The following ARSG variants were observed in gnomAD, a reference collection of about 807,000 sequenced individuals.
The protein encoded by ARSG is ASG.
In ARSG, 37 loss-of-function variants were observed where a neutral mutation model predicts 50.5. That is an observed-to-expected ratio of 0.73 (90% CI 0.56 to 0.96). ARSG has a LOEUF of 0.96. ARSG is among the 50% of genes least tolerant of loss of function. ARSG has a pLI of 0.00. For missense variants in ARSG, 629 were observed against 675.3 expected (o/e 0.93, Z 0.76); for synonymous variants, 225 against 254.6 (o/e 0.88, Z 1.11).
chr17:68,293,839 C>T (rs1325867418), intron 1 of ARSG, among the ~76,000 whole-genome samples: 1 of 152,168 alleles, frequency 6.6e-6, no homozygotes, highest in Non-Finnish European at 1.5e-5. Flanking sequence ...ACCCAACCTA[C>T]GCACAGCCTT....
At chr17:68,277,022 T>C (rs2075545557) in intron 1 of ARSG, among the ~76,000 whole-genome samples, 1 of 152,210 alleles carries the variant, frequency 6.6e-6, no homozygotes, top group Admixed American at 6.5e-5. Context: ...CTCAGAACAA[T>C]ATTTGTAATT....
the ARSG span, among the ~76,000 whole-genome samples, chr17:68,438,557 C>T: frequency 5.9e-5 from 9 of 152,168 alleles, no homozygotes; most frequent in Non-Finnish European, 1.0e-4. Context: ...GAGTTAAGAC[C>T]TTACAAATGC....
At chr17:68,426,254 G>GGGGGGGGGGGGGGCCCCCCCCC, downstream of ARSG, 2 of 816,920 alleles carry the variant, frequency 2.4e-6, no homozygotes, top group East Asian at 3.5e-5. Context: ...GGGAGCGGGG[G>GGGGGGGGGGGGGGCCCCCCCCC]CTCAAATAAA....
intron 4 of ARSG, among the ~76,000 whole-genome samples, chr17:68,347,893 G>C (rs1237017888): frequency 1.3e-5 from 2 of 152,162 alleles, no homozygotes; most frequent in Non-Finnish European, 2.9e-5. Flanking sequence ...CTATTTTGCA[G>C]ACTTCTCCCC....
chr17:68,366,249 A>C (rs1344478337), intron 6 of ARSG, among the ~76,000 whole-genome samples: 1 of 151,218 alleles, frequency 6.6e-6, no homozygotes, highest in Non-Finnish European at 1.5e-5. Context: ...AAAAAATAAA[A>C]TAAAATAAAA....
At chr17:68,328,134 A>G (rs1164571660) in intron 2 of ARSG, among the ~76,000 whole-genome samples, 11 of 152,110 alleles carry the variant, frequency 7.2e-5, no homozygotes, top group African/African-American at 2.7e-4. Flanking sequence ...CAGCAGCAGC[A>G]TCGAAATGCC....
At chr17:68,437,171 T>C in the ARSG span, among the ~76,000 whole-genome samples, 1 of 152,116 alleles carries the variant, frequency 6.6e-6, no homozygotes, top group Non-Finnish European at 1.5e-5. Context: ...GAAAAGTCAG[T>C]ACATATTGGT....
the ARSG span, among the ~76,000 whole-genome samples, chr17:68,451,095 A>G: frequency 6.6e-6 from 1 of 152,204 alleles, no homozygotes; most frequent in African/African-American, 2.4e-5. Flanking sequence ...ACCCTCTCCC[A>G]GGGAGCACTT....
chr17:68,340,817 G>A (rs944704586), intron 2 of ARSG, among the ~76,000 whole-genome samples: 3 of 152,302 alleles, frequency 2.0e-5, no homozygotes, highest in South Asian at 2.1e-4. Context: ...TGCCACAGGC[G>A]TGTCAATGAT....
At chr17:68,384,401 T>G (rs990729979) in intron 8 of ARSG, among the ~76,000 whole-genome samples, 3 of 152,194 alleles carry the variant, frequency 2.0e-5, no homozygotes, top group African/African-American at 7.2e-5. Context: ...ATAACCAAGG[T>G]GGAAATTCAT....
chr17:68,309,590 T>C (rs1331915097), intron 2 of ARSG, among the ~76,000 whole-genome samples: 1 of 151,982 alleles, frequency 6.6e-6, no homozygotes, highest in Non-Finnish European at 1.5e-5. Context: ...ATAGGCTGGG[T>C]GCAGTGGCTC....
At chr17:68,376,672 C>T (rs989586825) in intron 8 of ARSG, among the ~76,000 whole-genome samples, 4 of 151,826 alleles carry the variant, frequency 2.6e-5, no homozygotes, top group African/African-American at 9.7e-5. Flanking sequence ...TCCCACTCCC[C>T]CTCCAGCATA....
chr17:68,269,413 A>G (rs1368924172), intron 1 of ARSG: 4 of 1,230,108 alleles, frequency 3.3e-6, no homozygotes, highest in Middle Eastern at 2.3e-4. Flanking sequence ...CCAGGCGACC[A>G]TCCCATTCAG....
chr17:68,451,118 C>T, the ARSG span, among the ~76,000 whole-genome samples: 2 of 152,218 alleles, frequency 1.3e-5, no homozygotes, highest in Non-Finnish European at 2.9e-5. Context: ...AGAGTCCTTT[C>T]CAAATATCTA....
chr17:68,412,217 G>A (rs1403861578), intron 11 of ARSG, among the ~76,000 whole-genome samples: 10 of 151,272 alleles, frequency 6.6e-5, no homozygotes, highest in Non-Finnish European at 5.9e-5. Context: ...TCCTAGTCTC[G>A]ATGGCCTTTA....
chr17:68,319,627 T>A (rs1555769874), intron 2 of ARSG, among the ~76,000 whole-genome samples: 1 of 152,184 alleles, frequency 6.6e-6, no homozygotes, highest in East Asian at 1.9e-4. Context: ...TATTAATAGT[T>A]CCTCTTTTAA....
intron 2 of ARSG, among the ~76,000 whole-genome samples, chr17:68,328,949 C>T (rs1419278630): frequency 6.6e-6 from 1 of 152,192 alleles, no homozygotes; most frequent in Non-Finnish European, 1.5e-5. Flanking sequence ...AGTGATGAGA[C>T]TAGGCAGACA....
At chr17:68,286,666 G>A (rs782058399), upstream of ARSG, among the ~76,000 whole-genome samples, 2 of 151,970 alleles carry the variant, frequency 1.3e-5, no homozygotes, top group Non-Finnish European at 2.9e-5. Context: ...CATCATGCCC[G>A]GTTGATTTTT....
At chr17:68,346,378 TCC>T (rs1417362316) in intron 3 of ARSG, among the ~76,000 whole-genome samples, 8 of 152,162 alleles carry the variant, frequency 5.3e-5, no homozygotes. Flanking sequence ...TTAGACATAC[TCC>T]TGTGGTTGCC....
Sources: gnomAD v4.1 joint callset for allele counts (sites outside exome capture counted in the v4.1 genomes callset) on GRCh38, gnomAD v4.1.1 for gene constraint, MANE v1.5 for transcripts, NCBI Gene and HGNC (gene_info 2026-07-23, HGNC 2026-07-21) for gene names.